TUT7: variants seen among roughly 807,000 people sequenced by gnomAD.
The protein encoded by TUT7 is terminal uridylyltransferase 7.
In TUT7, 33 loss-of-function variants were observed where a neutral mutation model predicts 165.9. The ratio of observed to expected loss-of-function variants is 0.20; its 90% CI spans 0.15 to 0.27. The LOEUF (loss-of-function observed/expected upper bound fraction) is 0.27. Among genes scored for constraint, TUT7 ranks in the 10% least tolerant of loss-of-function variants. The pLI, the probability that TUT7 is intolerant of heterozygous loss-of-function variation, is 1.00. For synonymous variants in TUT7, 552 were observed against 608.1 expected (o/e 0.91, Z 1.36); for missense variants, 1,338 against 1,762.3 (o/e 0.76, Z 4.31).
chr9:86,352,972 T>C lies in TUT7; in HGVS notation c.228A>G (p.Pro76=), dbSNP rs766075117. Residue 76 remains proline, a synonymous_variant, in exon 2 of 27, where the codon CCA becomes CCG. Transcript: ENST00000375963. ...RKGPCAVSSN[P]YAFKNPIYSQ... ...TGTAGATTGGGTTTTTAAATGCATA[T>C]GGATTGCTGGAAACAGCACATGGTC... The C allele has an allele frequency of 3.1e-6, 5 of 1,614,226 alleles. No homozygotes were observed. The East Asian group carries it at 6.7e-5, about 22-fold the overall frequency.
chr9:86,351,221 A>T (rs1322460831), intron 2 of TUT7, among the ~76,000 whole-genome samples: 2 of 151,682 alleles, frequency 1.3e-5, no homozygotes, highest in African/African-American at 2.4e-5. Context: ...GGATCACTGG[A>T]GGTTAGGAGT....
At chr9:86,296,058 G>A (rs1398812557) in intron 26 of TUT7, among the ~76,000 whole-genome samples, 1 of 152,154 alleles carries the variant, frequency 6.6e-6, no homozygotes, top group African/African-American at 2.4e-5. Flanking sequence ...TCCATTATTT[G>A]TTTGTCCTAT....
At chr9:86,329,542 C>G (rs1830113964) in intron 10 of TUT7, among the ~76,000 whole-genome samples, 1 of 150,106 alleles carries the variant, frequency 6.7e-6, no homozygotes, top group African/African-American at 2.4e-5. Flanking sequence ...AAAAACAAAA[C>G]AAAAAACAAA....
At chr9:86,335,990 C>G (rs1830739152) in intron 10 of TUT7, among the ~76,000 whole-genome samples, 1 of 152,162 alleles carries the variant, frequency 6.6e-6, no homozygotes, top group Non-Finnish European at 1.5e-5. Context: ...GGTATCCATA[C>G]TACCCTGAAG....
chr9:86,325,300 A>G (rs763040380), intron 12 of TUT7, 34 bp downstream of exon 12: 34 of 1,597,694 alleles, frequency 2.1e-5, no homozygotes, highest in Non-Finnish European at 2.7e-5. Context: ...TAAAAAAAAG[A>G]GTGGGGGGGA....
At chr9:86,347,175 G>A (rs1831848875) in intron 2 of TUT7, among the ~76,000 whole-genome samples, 1 of 152,050 alleles carries the variant, frequency 6.6e-6, no homozygotes, top group Non-Finnish European at 1.5e-5. Flanking sequence ...CCTGTACACT[G>A]AGCATATTTC....
At chr9:86,296,858 C>T (rs1826373778) in intron 26 of TUT7, among the ~76,000 whole-genome samples, 1 of 152,170 alleles carries the variant, frequency 6.6e-6, no homozygotes, top group South Asian at 2.1e-4. Flanking sequence ...TTTATAACAA[C>T]ATAGATAATT....
chr9:86,301,385 T>C lies in TUT7; in HGVS notation c.4311A>G (p.Val1437=). The part of the protein sequence containing the change: ...LGREKILRPP[V]EKWKRQDDKD... ...TGTCATCCTGTCTCTTCCATTTTTC[T>C]ACTGGTGGCCTGAGGATCTTCTCCC... The change falls in exon 26 of 27, where the codon GTA becomes GTG. Residue 1437 remains valine, a synonymous_variant. Transcript: ENST00000375963. The C allele has an allele frequency of 6.2e-7, 1 of 1,614,164 alleles. No individual in the cohort carries two copies. The highest frequency in any genetic ancestry group is 8.5e-7 in the Non-Finnish European group (1 of 1,180,020).
intron 9 of TUT7, among the ~76,000 whole-genome samples, chr9:86,337,902 T>C (rs1178826493): frequency 6.6e-6 from 1 of 152,210 alleles, no homozygotes; most frequent in South Asian, 2.1e-4. Context: ...GCCAGTTCAA[T>C]GGTCCTCTTA....
chr9:86,309,699 AG>A, intron 19 of TUT7, 123 bp from the exon 20 acceptor site: 1 of 955,718 alleles, frequency 1.0e-6, no homozygotes, highest in East Asian at 2.6e-5. Context: ...ACATTGTCAA[AG>A]GCAAAACCAA....
chr9:86,317,120 G>A, intron 17 of TUT7, 99 bp downstream of exon 17: 1 of 1,005,956 alleles, frequency 9.9e-7, no homozygotes, highest in Non-Finnish European at 1.5e-6. Context: ...GGGGTGATGG[G>A]TGGGCCTGGA....
intron 13 of TUT7, 32 bp from the exon 14 acceptor site, chr9:86,322,507 TAA>T: frequency 1.3e-5 from 20 of 1,581,744 alleles, no homozygotes; most frequent in Non-Finnish European, 1.7e-5. Context: ...AAACAAGACT[TAA>T]CACTTTATTT....
At chr9:86,339,057 C>T in intron 8 of TUT7, 108 bp from the exon 9 acceptor site, 2 of 1,018,304 alleles carry the variant, frequency 2.0e-6, no homozygotes, top group Middle Eastern at 5.0e-4. Flanking sequence ...ATAATAAATA[C>T]TTCAAAAATA....
intron 26 of TUT7, among the ~76,000 whole-genome samples, chr9:86,295,254 G>A (rs1237924426): frequency 6.6e-6 from 1 of 152,006 alleles, no homozygotes; most frequent in African/African-American, 2.4e-5. Context: ...TATAAATGAT[G>A]GTGGGTATGA....
rs918981062 is a variant in TUT7, at chr9:86,328,548, C to G, written c.1456-56G>C. ...GATAGAAATAATCTTATATCAAACA[C>G]AGTCTACTAATCTTGGAATAAAAAA... On this transcript the variant is annotated intron_variant, in intron 10 of 26. Transcript: ENST00000375963. 6.9e-6 allele frequency: 10 copies of G among 1,445,590 alleles called. No homozygotes were observed. In the Admixed American group the frequency reaches 2.0e-4, roughly 29 times the overall value. The allele number at this position is 1,445,590 out of a possible 1,614,324, so 89.5% of individuals were successfully genotyped here. A position where few individuals can be genotyped will look rare whatever the true frequency, so the allele number is the denominator to read the frequency against.
rs771131890 is a variant in TUT7, at chr9:86,353,034, T to A, written c.166A>T (p.Ile56Leu). 5 of 1,614,110 alleles carry A rather than the reference T, an allele frequency of 3.1e-6. No homozygotes were observed. The Admixed American group carries it at 6.7e-5, about 22-fold the overall frequency. ...GTATTCCCATAGTTCCCTGGTGTTA[T>A]CTTCTTTTTTTGAAGGCCCTTTTCC... Reference protein sequence around the residue: ...KMEKGLQKKKITPGNYGNTPR... With the variant: ...KMEKGLQKKKLTPGNYGNTPR... The change falls in exon 2 of 27, where the codon ATA becomes TTA. Residue 56 changes from isoleucine to leucine, a missense_variant. Coordinates refer to ENST00000375963, the MANE Select transcript of TUT7 (RefSeq NM_024617.4).
Position 86,310,817 on chromosome 9 carries a change from G to A in TUT7, c.3275-8C>T. On this transcript the variant is annotated splice_polypyrimidine_tract_variant and splice_region_variant and intron_variant, in intron 17 of 26. Coordinates refer to ENST00000375963, the MANE Select transcript of TUT7 (RefSeq NM_024617.4). Reference sequence around the variant, plus strand: ...GTAAGATGTTTCTCAGACCTAAGTTGGGAAATAAAATGTTATCATTAAATA... The same window carrying A: ...GTAAGATGTTTCTCAGACCTAAGTTAGGAAATAAAATGTTATCATTAAATA... 1 of 1,528,572 alleles carries A rather than the reference G, an allele frequency of 6.5e-7. No homozygotes were observed. The highest frequency in any genetic ancestry group is 1.1e-5 in the South Asian group (1 of 89,026). 94.7% of individuals were successfully genotyped at this position (1,528,572 alleles called of 1,614,324 possible). A position where few individuals can be genotyped will look rare whatever the true frequency, so the allele number is the denominator to read the frequency against.
chr9:86,325,302 T>G (rs1339781551), intron 12 of TUT7, 32 bp downstream of exon 12: 2 of 1,585,606 alleles, frequency 1.3e-6, no homozygotes, highest in East Asian at 2.3e-5. Context: ...AAAAAAAGAG[T>G]GGGGGGGAAT....
intron 2 of TUT7, 61 bp downstream of exon 2, chr9:86,352,619 T>C (rs1486134787): frequency 3.2e-6 from 5 of 1,584,748 alleles, no homozygotes; most frequent in African/African-American, 2.7e-5. Context: ...CTCATTTGGA[T>C]GAAAAAGAAT....
Sources: allele counts gnomAD v4.1 joint callset (sites outside exome capture counted in the v4.1 genomes callset), GRCh38; gene constraint gnomAD v4.1.1; transcripts MANE v1.5; gene names NCBI Gene and HGNC (gene_info 2026-07-23, HGNC 2026-07-21).